PEBP4: variants seen among roughly 807,000 people sequenced by gnomAD.
The protein encoded by PEBP4 is phosphatidylethanolamine binding protein 4, also known as phosphatidylethanolamine-binding protein 4.
In PEBP4, 22 loss-of-function variants were observed where a neutral mutation model predicts 23.9. The ratio of observed to expected loss-of-function variants is 0.92; its 90% CI spans 0.66 to 1.31. The LOEUF is 1.31. Among genes scored for constraint, PEBP4 ranks in the 40% most tolerant of loss-of-function variants. PEBP4 has a pLI of 0.00. For missense variants in PEBP4, 324 were observed against 281.7 expected, an observed-to-expected ratio of 1.15 and a Z score of -1.07; for synonymous variants, 112 against 99.3, an observed-to-expected ratio of 1.13 and a Z score of -0.76.
At chr8:22,910,915 A>G (rs1379086587) in intron 3 of PEBP4, among the ~76,000 whole-genome samples, 1 of 151,408 alleles carries the variant, frequency 6.6e-6, no homozygotes, top group East Asian at 1.9e-4. Flanking sequence ...TGTGACACCA[A>G]GAGTGAGCCC....
chr8:22,862,782 G>T, intron 3 of PEBP4, among the ~76,000 whole-genome samples: 1 of 150,634 alleles, frequency 6.6e-6, no homozygotes, highest in Non-Finnish European at 1.5e-5. Flanking sequence ...GCCCAGACCA[G>T]GGCCCACCCT....
intron 4 of PEBP4, among the ~76,000 whole-genome samples, chr8:22,761,040 G>A (rs1215521771): frequency 6.6e-6 from 1 of 152,174 alleles, no homozygotes; most frequent in Non-Finnish European, 1.5e-5. Context: ...GGCCAGCGGG[G>A]AGGCGGGCAT....
intron 3 of PEBP4, among the ~76,000 whole-genome samples, chr8:22,848,830 G>A (rs927029019): frequency 1.3e-4 from 20 of 152,308 alleles, no homozygotes; most frequent in Admixed American, 4.6e-4. Flanking sequence ...CTGAGGGAGC[G>A]GAATTGTTTC....
chr8:22,731,226 T>C (rs1366075242), intron 4 of PEBP4, among the ~76,000 whole-genome samples: 2 of 152,118 alleles, frequency 1.3e-5, no homozygotes, highest in Non-Finnish European at 2.9e-5. Context: ...CCGCCTCCTG[T>C]TGCACCTCCT....
chr8:22,818,972 G>A (rs1481400347), intron 3 of PEBP4, among the ~76,000 whole-genome samples: 1 of 152,134 alleles, frequency 6.6e-6, no homozygotes, highest in Non-Finnish European at 1.5e-5. Flanking sequence ...TGGAGAGGAG[G>A]CTGTTTGAAG....
intron 4 of PEBP4, among the ~76,000 whole-genome samples, chr8:22,747,879 T>C (rs2128751321): frequency 6.6e-6 from 1 of 152,122 alleles, no homozygotes; most frequent in East Asian, 1.9e-4. Context: ...GAGTGTGTGC[T>C]CACACAAGCA....
intron 3 of PEBP4, among the ~76,000 whole-genome samples, chr8:22,917,836 TGG>T: frequency 6.6e-6 from 1 of 152,324 alleles, no homozygotes; most frequent in East Asian, 1.9e-4. Context: ...CTATTTCCAC[TGG>T]GGTTGACAAA....
chr8:22,789,337 G>A (rs903694362), intron 4 of PEBP4, among the ~76,000 whole-genome samples: 1 of 152,206 alleles, frequency 6.6e-6, no homozygotes, highest in African/African-American at 2.4e-5. Flanking sequence ...GCCCAACCTC[G>A]CTTTTTTTGA....
intron 3 of PEBP4, among the ~76,000 whole-genome samples, chr8:22,860,789 T>C (rs1216647161): frequency 6.6e-6 from 1 of 152,258 alleles, no homozygotes; most frequent in East Asian, 1.9e-4. Context: ...CAAGGATGAG[T>C]AGCCACAGTC....
chr8:22,816,988 G>C (rs905381200), intron 4 of PEBP4, among the ~76,000 whole-genome samples: 2 of 152,226 alleles, frequency 1.3e-5, no homozygotes, highest in Non-Finnish European at 2.9e-5. Context: ...TCCAAAACTT[G>C]TTTGGCAACA....
intron 3 of PEBP4, among the ~76,000 whole-genome samples, chr8:22,863,374 A>G (rs148922190): frequency 2.4e-4 from 36 of 152,318 alleles, no homozygotes; most frequent in Non-Finnish European, 4.0e-4. Flanking sequence ...AAATGACACT[A>G]TAATTTTTTG....
intron 3 of PEBP4, among the ~76,000 whole-genome samples, chr8:22,855,914 C>T (rs1182398013): frequency 3.3e-5 from 5 of 151,628 alleles, no homozygotes; most frequent in East Asian, 1.9e-4. Flanking sequence ...TGGTGGTGCA[C>T]GCCTGTATTG....
chr8:22,849,806 TA>T (rs1807514462), intron 3 of PEBP4, among the ~76,000 whole-genome samples: 1 of 152,226 alleles, frequency 6.6e-6, no homozygotes, highest in African/African-American at 2.4e-5. Flanking sequence ...TCCTTTCACA[TA>T]CAGTCAACTC....
At chr8:22,820,850 T>C (rs1806843393) in intron 3 of PEBP4, among the ~76,000 whole-genome samples, 2 of 152,204 alleles carry the variant, frequency 1.3e-5, no homozygotes, top group Admixed American at 6.5e-5. Context: ...GAATTTATTA[T>C]GCAACAGGAC....
intron 3 of PEBP4, among the ~76,000 whole-genome samples, chr8:22,860,116 C>CA (rs61162189): frequency 1.8e-3 from 162 of 91,050 alleles, no homozygotes; most frequent in African/African-American, 6.0e-3. Context: ...GACTCCGTCT[C>CA]AAAAAAAAAA....
upstream of PEBP4, among the ~76,000 whole-genome samples, chr8:22,930,464 C>T (rs545795496): frequency 1.3e-5 from 2 of 152,176 alleles, no homozygotes; most frequent in South Asian, 4.2e-4. Context: ...TCGGAGGCAG[C>T]ACGGAGACTG....
At chr8:22,765,584 G>A (rs1805594379) in intron 4 of PEBP4, among the ~76,000 whole-genome samples, 1 of 152,226 alleles carries the variant, frequency 6.6e-6, no homozygotes, top group Non-Finnish European at 1.5e-5. Flanking sequence ...TGCTGCCAAA[G>A]CTAGCATAAT....
intron 3 of PEBP4, among the ~76,000 whole-genome samples, chr8:22,888,300 C>G (rs375138605): frequency 2.0e-5 from 3 of 151,990 alleles, no homozygotes; most frequent in Non-Finnish European, 1.5e-5. Flanking sequence ...ATTACAGGCT[C>G]GTGCCACCAA....
At chr8:22,844,670 A>T (rs1807391570) in intron 3 of PEBP4, among the ~76,000 whole-genome samples, 1 of 151,794 alleles carries the variant, frequency 6.6e-6, no homozygotes, top group African/African-American at 2.4e-5. Context: ...TCTGTTGGGG[A>T]TATATTCCTC....
Sources: allele counts gnomAD v4.1 joint callset (sites outside exome capture counted in the v4.1 genomes callset), GRCh38; gene constraint gnomAD v4.1.1; transcripts MANE v1.5; gene names NCBI Gene and HGNC (gene_info 2026-07-23, HGNC 2026-07-21).